The following GRID2 variants were observed in gnomAD, a reference collection of about 807,000 sequenced individuals.
GRID2 encodes the protein glutamate receptor ionotropic, delta-2.
In GRID2, 33 loss-of-function variants were observed where a neutral mutation model predicts 114.8. The observed-to-expected ratio is 0.29, with a 90% CI of 0.22 to 0.38. The LOEUF is 0.38. Among genes scored for constraint, GRID2 ranks in the 10% least tolerant of loss-of-function variants. The pLI is 1.00. For synonymous variants in GRID2, 505 were observed against 449.9 expected, an observed-to-expected ratio of 1.12 and a Z score of -1.55; for missense variants, 1,184 against 1,257.7, an observed-to-expected ratio of 0.94 and a Z score of 0.89.
chr4:93,680,405 G>A (rs1725396988), intron 14 of GRID2, among the ~76,000 whole-genome samples: 1 of 151,540 alleles, frequency 6.6e-6, no homozygotes, highest in South Asian at 2.1e-4. Context: ...AGAAAAAGAG[G>A]GAATCCTCCC....
At chr4:92,481,602 G>A (rs566555726) in intron 1 of GRID2, among the ~76,000 whole-genome samples, 23 of 152,098 alleles carry the variant, frequency 1.5e-4, no homozygotes, top group Admixed American at 2.6e-4. Context: ...ATTTTCATCA[G>A]TATAGCCTTG....
chr4:93,601,141 C>T (rs1739637449), intron 13 of GRID2, among the ~76,000 whole-genome samples: 1 of 152,138 alleles, frequency 6.6e-6, no homozygotes, highest in Non-Finnish European at 1.5e-5. Context: ...CTGTGCTTTT[C>T]ATGATAAGTA....
At chr4:93,693,462 A>T (rs1203536451) in intron 14 of GRID2, among the ~76,000 whole-genome samples, 36 of 152,224 alleles carry the variant, frequency 2.4e-4, no homozygotes, top group Admixed American at 2.3e-3. Context: ...TTATAAAATT[A>T]CCAAGCTGTT....
At chr4:93,582,513 A>G (rs1275217440) in intron 13 of GRID2, among the ~76,000 whole-genome samples, 1 of 152,204 alleles carries the variant, frequency 6.6e-6, no homozygotes, top group African/African-American at 2.4e-5. Context: ...AACTTAAAAG[A>G]ATTATTTTAA....
intron 2 of GRID2, among the ~76,000 whole-genome samples, chr4:93,052,068 C>T (rs1726772922): frequency 6.6e-6 from 1 of 151,952 alleles, no homozygotes; most frequent in Admixed American, 6.6e-5. Context: ...AGAATATAAT[C>T]AACTTATTTT....
intron 1 of GRID2, among the ~76,000 whole-genome samples, chr4:92,415,371 A>G (rs1020862788): frequency 1.3e-5 from 2 of 151,826 alleles, no homozygotes; most frequent in African/African-American, 4.8e-5. Flanking sequence ...GTTTGGTTGC[A>G]TGGAAAAGTT....
chr4:92,811,877 C>T (rs984452656), intron 2 of GRID2, among the ~76,000 whole-genome samples: 9 of 152,032 alleles, frequency 5.9e-5, no homozygotes, highest in African/African-American at 2.2e-4. Flanking sequence ...CTTCTTTATG[C>T]TTAGATTCAA....
intron 14 of GRID2, among the ~76,000 whole-genome samples, chr4:93,659,972 C>T (rs1350932639): frequency 1.3e-5 from 2 of 151,718 alleles, no homozygotes; most frequent in Non-Finnish European, 2.9e-5. Context: ...ACATGAATAC[C>T]AGCATTGGTA....
intron 2 of GRID2, among the ~76,000 whole-genome samples, chr4:92,628,235 G>T (rs950652775): frequency 6.6e-6 from 1 of 152,094 alleles, no homozygotes; most frequent in Non-Finnish European, 1.5e-5. Flanking sequence ...CCATGATCAC[G>T]GAGCAGCTCC....
chr4:93,088,809 G>A (rs1176931986), intron 3 of GRID2, among the ~76,000 whole-genome samples: 2 of 152,126 alleles, frequency 1.3e-5, no homozygotes, highest in Non-Finnish European at 2.9e-5. Flanking sequence ...ACAGGAACAA[G>A]TGATAGGTAA....
At chr4:92,634,873 G>A (rs372830714) in intron 2 of GRID2, among the ~76,000 whole-genome samples, 6,981 of 138,310 alleles carry the variant, frequency 0.05, 194 homozygotes, top group East Asian at 0.099. Context: ...GAGAGAGAGA[G>A]AGAGAAAGAG....
chr4:93,264,123 T>G (rs1750546953), intron 8 of GRID2, among the ~76,000 whole-genome samples: 1 of 152,152 alleles, frequency 6.6e-6, no homozygotes, highest in Non-Finnish European at 1.5e-5. Context: ...TAGTGCAGAC[T>G]TTTTGTCCAG....
chr4:93,735,090 A>G lies in GRID2; in HGVS notation c.2361-34120A>G, dbSNP rs140935364. On this transcript the variant is annotated intron_variant, in intron 14 of 15. Coordinates refer to ENST00000282020, the MANE Select transcript of GRID2 (RefSeq NM_001510.4). ...AGACCAAGATGCATCGTCAAATTGC[A>G]AGCAAACATTGTGAAATCAAAACCC... Among the ~76,000 whole-genome samples, 20 of 152,166 alleles carry G rather than the reference A, an allele frequency of 1.3e-4. No individual in the cohort carries two copies. The East Asian group carries it at 3.9e-3, about 29-fold the overall frequency.
intron 2 of GRID2, among the ~76,000 whole-genome samples, chr4:92,785,236 A>T (rs573516159): frequency 1.3e-5 from 2 of 151,578 alleles, no homozygotes; most frequent in Non-Finnish European, 3.0e-5. Context: ...AGCTATTTCT[A>T]TAAAACTGAA....
intron 2 of GRID2, among the ~76,000 whole-genome samples, chr4:93,008,214 G>A (rs559535217): frequency 1.7e-4 from 26 of 151,856 alleles, no homozygotes; most frequent in African/African-American, 4.6e-4. Context: ...CTAAAGTGGC[G>A]TAAAAAATGA....
At chr4:92,983,967 C>G (rs1754363515) in intron 2 of GRID2, among the ~76,000 whole-genome samples, 1 of 152,148 alleles carries the variant, frequency 6.6e-6, no homozygotes, top group Non-Finnish European at 1.5e-5. Flanking sequence ...GGATTTTGTG[C>G]CGATAACTCA....
At chr4:92,335,870 T>C (rs1041459660) in intron 1 of GRID2, among the ~76,000 whole-genome samples, 1 of 152,220 alleles carries the variant, frequency 6.6e-6, no homozygotes, top group Non-Finnish European at 1.5e-5. Context: ...AAGTCAATAA[T>C]TGAATAGTTT....
At chr4:92,676,421 C>G (rs1389032386) in intron 2 of GRID2, among the ~76,000 whole-genome samples, 1 of 151,970 alleles carries the variant, frequency 6.6e-6, no homozygotes, top group Non-Finnish European at 1.5e-5. Flanking sequence ...ACCTCATGAT[C>G]TGCCTGCCTC....
At chr4:93,625,904 G>T (rs1742671388) in intron 13 of GRID2, among the ~76,000 whole-genome samples, 1 of 150,374 alleles carries the variant, frequency 6.7e-6, no homozygotes, top group African/African-American at 2.5e-5. Context: ...GACAGAGCAA[G>T]ACTCCGTCTC....
Sources: gnomAD v4.1 joint callset for allele counts (sites outside exome capture counted in the v4.1 genomes callset) on GRCh38, gnomAD v4.1.1 for gene constraint, MANE v1.5 for transcripts, NCBI Gene and HGNC (gene_info 2026-07-23, HGNC 2026-07-21) for gene names.